WNK3: variants seen among roughly 807,000 people sequenced by gnomAD.
WNK3 encodes the protein WNK lysine deficient protein kinase 3, also known as serine/threonine-protein kinase WNK3.
WNK3 carries 18 observed loss-of-function variants against 116.7 expected under a neutral mutation model. The ratio of observed to expected loss-of-function variants is 0.15; its 90% CI spans 0.11 to 0.23. The LOEUF is 0.23. Ranked by LOEUF, WNK3 falls within the 10% of genes least tolerant of loss-of-function variation. WNK3 has a pLI of 1.00. For synonymous variants in WNK3, 404 were observed against 469.4 expected (o/e 0.86, Z 1.80); for missense variants, 993 against 1,323.8 (o/e 0.75, Z 3.88).
chrX:54,342,727 G>A (rs1201967670), intron 1 of WNK3, among the ~76,000 whole-genome samples: 1 of 110,741 alleles, frequency 9.0e-6, no homozygotes, highest in Non-Finnish European at 1.9e-5. Flanking sequence ...AGAAAGTAAA[G>A]GCCTGACAAC....
intron 22 of WNK3, among the ~76,000 whole-genome samples, chrX:54,205,144 G>A (rs1490048599): frequency 3.6e-5 from 4 of 110,551 alleles, no homozygotes; most frequent in African/African-American, 1.3e-4. Context: ...GAACCTGGGT[G>A]GTGGAGGCTG....
chrX:54,276,629 C>A (rs181116407), intron 10 of WNK3, among the ~76,000 whole-genome samples: 1 of 110,416 alleles, frequency 9.1e-6, no homozygotes, highest in African/African-American at 3.3e-5. Context: ...AAATCCATGT[C>A]ATCCACTATA....
chrX:54,341,261 G>A (rs2069318803), intron 1 of WNK3, among the ~76,000 whole-genome samples: 2 of 110,660 alleles, frequency 1.8e-5, no homozygotes, highest in Admixed American at 2.0e-4. Context: ...GCCAGGCGTG[G>A]TAGTGGGTAC....
At chrX:54,286,334 G>A (rs903218913) in intron 10 of WNK3, among the ~76,000 whole-genome samples, 4 of 110,506 alleles carry the variant, frequency 3.6e-5, no homozygotes, top group Admixed American at 2.0e-4. Flanking sequence ...ATTTATTCTC[G>A]CTCAGTCCTG....
intron 2 of WNK3, among the ~76,000 whole-genome samples, chrX:54,323,426 G>A (rs1217303796): frequency 3.2e-4 from 36 of 111,022 alleles, no homozygotes; most frequent in Non-Finnish European, 2.8e-4. Flanking sequence ...TTGGGAGGCC[G>A]AGGCAGGAGG....
Position 54,332,556 on chromosome X carries a change from T to A in WNK3, c.537+581A>T, listed in dbSNP as rs1469756857. Among the ~76,000 whole-genome samples, 4 of 111,689 alleles carry A rather than the reference T, an allele frequency of 3.6e-5. No homozygotes were observed. The East Asian group carries it at 1.1e-3, about 31-fold the overall frequency. Reference sequence around the variant, plus strand: ...GGAGACATTAAGAGTTTGGGGACTTTCCTAAAGCTAACAAATTAAAACAAT... The same window carrying A: ...GGAGACATTAAGAGTTTGGGGACTTACCTAAAGCTAACAAATTAAAACAAT... On this transcript the variant is annotated intron_variant, in intron 2 of 23. Transcript: ENST00000354646.
At chrX:54,316,761 C>T (rs1287676878) in intron 2 of WNK3, among the ~76,000 whole-genome samples, 1 of 110,362 alleles carries the variant, frequency 9.1e-6, no homozygotes, top group Non-Finnish European at 1.9e-5. Flanking sequence ...ATTAGGATGG[C>T]TATTATCTAA....
intron 22 of WNK3, among the ~76,000 whole-genome samples, chrX:54,217,980 G>T (rs1366643694): frequency 9.0e-6 from 1 of 111,723 alleles, no homozygotes; most frequent in African/African-American, 3.3e-5. Flanking sequence ...AGGAAAGCAT[G>T]ACATATGCAG....
chrX:54,248,676 G>C (rs375620939), intron 17 of WNK3, 21 bp downstream of exon 17: 14 of 1,152,037 alleles, frequency 1.2e-5, no homozygotes, highest in Middle Eastern at 2.4e-4. Flanking sequence ...TAAGGAATTG[G>C]TTAGAAAGAA....
chrX:54,223,012 G>A (rs1009279547), intron 22 of WNK3, among the ~76,000 whole-genome samples: 8 of 100,714 alleles, frequency 7.9e-5, no homozygotes, highest in Non-Finnish European at 1.4e-4. Context: ...GCAGGAATAC[G>A]GAGAGTCAGA....
chrX:54,225,447 C>A (rs1318719934), intron 22 of WNK3, among the ~76,000 whole-genome samples: 1 of 107,805 alleles, frequency 9.3e-6, no homozygotes, highest in African/African-American at 3.4e-5. Flanking sequence ...ATGGCAAAAC[C>A]CTGTCTCTAC....
At chrX:54,222,123 C>T (rs2067769752) in intron 22 of WNK3, among the ~76,000 whole-genome samples, 1 of 112,007 alleles carries the variant, frequency 8.9e-6, no homozygotes, top group African/African-American at 3.2e-5. Flanking sequence ...CACCATTGCA[C>T]TCCAGCCTGG....
chrX:54,201,025 A>G (rs1208934252), intron 23 of WNK3, among the ~76,000 whole-genome samples: 2 of 111,951 alleles, frequency 1.8e-5, no homozygotes, highest in African/African-American at 6.5e-5. Flanking sequence ...TACACATATG[A>G]CAATACATGT....
chrX:54,336,088 G>A (rs1019940818), intron 1 of WNK3, among the ~76,000 whole-genome samples: 2 of 111,892 alleles, frequency 1.8e-5, no homozygotes, highest in East Asian at 2.8e-4. Flanking sequence ...TCAGGAGTTC[G>A]AGACCATCCT....
At position 54,334,635 on chromosome X, in the gene WNK3, C is replaced by T. The variant is rs7882420; in HGVS notation, c.-119-843G>A. Among the ~76,000 whole-genome samples the T allele has an allele frequency of 8.7e-3, 959 of 110,014 alleles. 10 individuals carry two copies. Among genetic ancestry groups the T allele is most frequent in the African/African-American group, 0.03 (912 of 30,358 alleles). On this transcript the variant is annotated intron_variant, in intron 1 of 23. Coordinates refer to ENST00000354646, the Ensembl canonical transcript of WNK3. ...ATCTGCCAATGGATTGGATTGCTTCCACCTTTTGACTATTGTGAATGTTGC... is the reference window on the plus strand; with the variant it reads ...ATCTGCCAATGGATTGGATTGCTTCTACCTTTTGACTATTGTGAATGTTGC...
chrX:54,206,743 G>A (rs1204679808), intron 22 of WNK3, among the ~76,000 whole-genome samples: 1 of 112,098 alleles, frequency 8.9e-6, no homozygotes, highest in African/African-American at 3.2e-5. Context: ...ATTAATATGA[G>A]TGAAGGCTGG....
chrX:54,358,003 G>C (rs1380783106), exon 1 of WNK3: 1 of 110,461 alleles, frequency 9.1e-6, no homozygotes. Context: ...GCCCGGAGCT[G>C]AGCAGACGCA....
intron 1 of WNK3, among the ~76,000 whole-genome samples, chrX:54,354,146 C>A (rs368963167): frequency 2.7e-5 from 3 of 111,192 alleles, no homozygotes; most frequent in African/African-American, 9.8e-5. Flanking sequence ...AAGCTCATTT[C>A]TGTAGTGAGT....
intron 22 of WNK3, among the ~76,000 whole-genome samples, chrX:54,206,994 A>T (rs1171966073): frequency 4.5e-5 from 5 of 110,792 alleles, no homozygotes; most frequent in African/African-American, 1.6e-4. Flanking sequence ...CTGCCACTGC[A>T]CTCCAGCCTG....
Sources: gnomAD v4.1 joint callset for allele counts (sites outside exome capture counted in the v4.1 genomes callset) on GRCh38, gnomAD v4.1.1 for gene constraint, MANE v1.5 for transcripts, NCBI Gene and HGNC (gene_info 2026-07-23, HGNC 2026-07-21) for gene names.